Variants in HIKESHI observed in about 807,000 individuals in gnomAD.
The protein encoded by HIKESHI is protein Hikeshi.
HIKESHI carries 13 observed loss-of-function variants against 25.7 expected under a neutral mutation model. That is an observed-to-expected ratio of 0.51 (90% CI 0.33 to 0.80). HIKESHI has a LOEUF of 0.80. Among genes scored for constraint, HIKESHI ranks in the 30% least tolerant of loss-of-function variants. The probability of loss-of-function intolerance (pLI) is 0.02; values close to 1 mark genes in which losing one functional copy is unlikely to be tolerated. For missense variants in HIKESHI, 174 were observed against 229.5 expected, an observed-to-expected ratio of 0.76 and a Z score of 1.56; for synonymous variants, 76 against 78.7, an observed-to-expected ratio of 0.97 and a Z score of 0.18.
At chr11:86,344,410 C>G (rs1947815426) in intron 3 of HIKESHI, 193 bp from the exon 4 acceptor site, 1 of 440,984 alleles carries the variant, frequency 2.3e-6, no homozygotes, top group African/African-American at 2.0e-5. Flanking sequence ...TCAAGTGATT[C>G]TCCTGCCTCA....
At chr11:86,313,380 G>A (rs1241009553) in intron 2 of HIKESHI, among the ~76,000 whole-genome samples, 2 of 152,136 alleles carry the variant, frequency 1.3e-5, no homozygotes, top group East Asian at 1.9e-4. Flanking sequence ...ACAGGCACCC[G>A]CCACCACACC....
At chr11:86,340,256 G>T (rs941038213) in intron 3 of HIKESHI, among the ~76,000 whole-genome samples, 9 of 152,134 alleles carry the variant, frequency 5.9e-5, no homozygotes, top group Non-Finnish European at 1.3e-4. Context: ...AATCCTTTGG[G>T]TATATACCCA....
intron 2 of HIKESHI, among the ~76,000 whole-genome samples, chr11:86,324,758 T>G (rs1337206837): frequency 6.6e-6 from 1 of 152,170 alleles, no homozygotes; most frequent in Admixed American, 6.5e-5. Flanking sequence ...ACATCAGGGT[T>G]AGGGAGAGGC....
chr11:86,331,659 T>C (rs1453570996), intron 2 of HIKESHI, among the ~76,000 whole-genome samples: 1 of 152,220 alleles, frequency 6.6e-6, no homozygotes, highest in Non-Finnish European at 1.5e-5. Context: ...GATACTTTGC[T>C]TCATTAAGTA....
chr11:86,314,881 A>C (rs1279311311), intron 2 of HIKESHI, among the ~76,000 whole-genome samples: 1 of 152,224 alleles, frequency 6.6e-6, no homozygotes, highest in Non-Finnish European at 1.5e-5. Context: ...GCAAGACAGC[A>C]GACCTGGTGA....
At chr11:86,315,683 A>AAGAGTTTACCACTCAT (rs58040097) in intron 2 of HIKESHI, among the ~76,000 whole-genome samples, 107,444 of 151,808 alleles carry the variant, frequency 0.71, 38,371 homozygotes, top group East Asian at 0.82. Context: ...GATGAAGATG[A>AAGAGTTTACCACTCAT]AGACCATTAG....
At chr11:86,307,773 A>C (rs1247453328) in intron 2 of HIKESHI, among the ~76,000 whole-genome samples, 2 of 115,438 alleles carry the variant, frequency 1.7e-5, no homozygotes, top group South Asian at 2.6e-4. Context: ...TACATTATAT[A>C]AAATATATAT....
rs200478904 is a variant in HIKESHI at position 86,344,653 on chromosome 11, T to C, written c.471T>C (p.Ala157=). 6 of 1,611,300 alleles carry C rather than the reference T, an allele frequency of 3.7e-6. No individual in the cohort carries two copies. The African/African-American group carries it at 8.0e-5, about 21-fold the overall frequency. ...TCTACAATTTTGCTTCATCATTTGC[T>C]GTCTCTCAGGCCCAGATGACACCAA... The part of the protein sequence containing the change: ...DNFYNFASSF[A]VSQAQMTPSP... Residue 157 remains alanine, a synonymous_variant, in exon 4 of 5, where the codon GCT becomes GCC. Coordinates refer to ENST00000278483, the MANE Select transcript of HIKESHI (RefSeq NM_016401.4).
intron 2 of HIKESHI, among the ~76,000 whole-genome samples, chr11:86,330,520 C>T (rs1947395229): frequency 1.3e-5 from 2 of 152,158 alleles, no homozygotes; most frequent in Non-Finnish European, 2.9e-5. Context: ...GCACATCCTT[C>T]AGAGTTGAAT....
At chr11:86,305,181 G>A (rs886970853) in intron 1 of HIKESHI, among the ~76,000 whole-genome samples, 2 of 150,270 alleles carry the variant, frequency 1.3e-5, no homozygotes, top group Non-Finnish European at 3.0e-5. Flanking sequence ...TGTAGTTTTT[G>A]TAGAGATCGG....
chr11:86,343,951 C>G (rs1947800622), intron 3 of HIKESHI: 1 of 152,140 alleles, frequency 6.6e-6, no homozygotes, highest in Non-Finnish European at 1.5e-5. Flanking sequence ...CTAGCTTCTA[C>G]CAAGGAGACT....
At chr11:86,306,770 G>A (rs1192931620) in intron 2 of HIKESHI, among the ~76,000 whole-genome samples, 6 of 151,404 alleles carry the variant, frequency 4.0e-5, no homozygotes, top group Non-Finnish European at 5.9e-5. Context: ...AGGCCCTGGC[G>A]GGCGGATCAC....
rs1217272207 is a variant in HIKESHI, at chr11:86,345,887, T to C, written c.*249T>C. On this transcript the variant is annotated 3_prime_UTR_variant, in exon 5 of 5. Transcript: ENST00000278483. ...AAGGCAAGACATTTTGTTTTGGCTA[T>C]GATTCATTTTTTTTACTTAAAAATA... is the stretch of plus-strand genomic sequence containing the variant. 1.2e-5 allele frequency: 3 copies of C among 255,874 alleles called. No homozygotes were observed. Among genetic ancestry groups the C allele is most frequent in the Non-Finnish European group, 1.5e-5 (2 of 136,974 alleles). 15.9% of individuals were successfully genotyped at this position (255,874 alleles called of 1,614,324 possible).
chr11:86,344,924 A>C, intron 4 of HIKESHI: 1 of 536,996 alleles, frequency 1.9e-6, no homozygotes, highest in South Asian at 4.1e-5. Context: ...CGCCATTATG[A>C]ATTTATAAAG....
rs1362603885 is a variant in HIKESHI at position 86,345,639 on chromosome 11, T to C, written c.*1T>C. Reference sequence around the variant, plus strand: ...GAACCCTCTCTTTTGGAAAACATAATTTGAATAAAATAATTTTTAATGGAT... The same window carrying C: ...GAACCCTCTCTTTTGGAAAACATAACTTGAATAAAATAATTTTTAATGGAT... On this transcript the variant is annotated 3_prime_UTR_variant, in exon 5 of 5. Transcript: ENST00000278483. 1.3e-6 allele frequency: 2 copies of C among 1,522,732 alleles called. No homozygotes were observed. Among genetic ancestry groups the C allele is most frequent in the Admixed American group, 1.9e-5 (1 of 53,760 alleles). The allele number at this position is 1,522,732 out of a possible 1,614,324, so 94.3% of individuals were successfully genotyped here. A position where few individuals can be genotyped will look rare whatever the true frequency, so the allele number is the denominator to read the frequency against.
At chr11:86,331,626 A>G (rs1947427173) in intron 2 of HIKESHI, among the ~76,000 whole-genome samples, 1 of 152,130 alleles carries the variant, frequency 6.6e-6, no homozygotes, top group South Asian at 2.1e-4. Flanking sequence ...TTTGTGCTCT[A>G]TAGAGGACAG....
chr11:86,338,391 A>G (rs1241473998), intron 3 of HIKESHI, among the ~76,000 whole-genome samples: 2 of 142,836 alleles, frequency 1.4e-5, no homozygotes, highest in Non-Finnish European at 2.9e-5. Context: ...AGCAGCATAT[A>G]TGGAGGTGTT....
chr11:86,335,569 A>C (rs937235521), intron 2 of HIKESHI, among the ~76,000 whole-genome samples: 9 of 152,148 alleles, frequency 5.9e-5, no homozygotes, highest in African/African-American at 2.2e-4. Context: ...GGAGTTATAA[A>C]CTGCCTGGCT....
chr11:86,322,076 C>G (rs773206959), intron 2 of HIKESHI, among the ~76,000 whole-genome samples: 4 of 152,072 alleles, frequency 2.6e-5, no homozygotes, highest in Non-Finnish European at 5.9e-5. Context: ...CAACCTCCAT[C>G]CCCAGGTTCA....
Sources: gnomAD v4.1 joint callset for allele counts (sites outside exome capture counted in the v4.1 genomes callset) on GRCh38, gnomAD v4.1.1 for gene constraint, MANE v1.5 for transcripts, NCBI Gene and HGNC (gene_info 2026-07-23, HGNC 2026-07-21) for gene names.